KALRN: variants seen among roughly 807,000 people sequenced by gnomAD.
The protein encoded by KALRN is kalirin RhoGEF kinase, also known as kalirin.
A neutral mutation model predicts 353.7 loss-of-function variants in KALRN; 70 were observed. The ratio of observed to expected loss-of-function variants is 0.20; its 90% CI spans 0.16 to 0.24. KALRN has a LOEUF of 0.24. KALRN is among the 10% of genes least tolerant of loss of function. KALRN has a pLI of 1.00. For missense variants in KALRN, 2,791 were observed against 3,756.7 expected (o/e 0.74, Z 6.72); for synonymous variants, 1,391 against 1,434.8 (o/e 0.97, Z 0.69).
chr3:124,336,016 G>A (rs918458000), intron 9 of KALRN, among the ~76,000 whole-genome samples: 2 of 152,158 alleles, frequency 1.3e-5, no homozygotes, highest in African/African-American at 4.8e-5. Context: ...AGGCAGAGTG[G>A]AGGGAGAGTT....
chr3:124,330,246 TCACACACACACACACACACA>T (rs774251256), intron 8 of KALRN, among the ~76,000 whole-genome samples: 1 of 134,308 alleles, frequency 7.4e-6, no homozygotes, highest in African/African-American at 2.8e-5. Flanking sequence ...TCTCTCTCTC[TCACACACACACACACACACA>T]CACACACACA....
At chr3:124,282,879 C>A (rs1040830769) in intron 5 of KALRN, among the ~76,000 whole-genome samples, 15 of 152,210 alleles carry the variant, frequency 9.9e-5, no homozygotes, top group Non-Finnish European at 5.9e-5. Context: ...CTGCATGGCC[C>A]CTTACCTGTC....
Position 124,395,185 on chromosome 3 carries a change from T to C in KALRN, c.2013T>C (p.Cys671=). The part of the protein sequence containing the change: ...DLQKEMLEDV[C]ADSVDAVQEL... Reference sequence around the variant, plus strand: ...AGAAGGAGATGTTGGAGGATGTCTGTGCAGATTCTGTGGATGCAGTCCAGG... The same window carrying C: ...AGAAGGAGATGTTGGAGGATGTCTGCGCAGATTCTGTGGATGCAGTCCAGG... Residue 671 remains cysteine (C), a synonymous_variant, in exon 12 of 60, where the codon TGT becomes TGC. Coordinates refer to ENST00000682506, the MANE Select transcript of KALRN (RefSeq NM_001388419.1). 6.2e-7 allele frequency: 1 copy of C among 1,613,682 alleles called. No individual in the cohort carries two copies.
chr3:124,091,948 G>GT (rs2061143472), intron 1 of KALRN, among the ~76,000 whole-genome samples: 1 of 152,212 alleles, frequency 6.6e-6, no homozygotes, highest in Non-Finnish European at 1.5e-5. Flanking sequence ...TGCATTTCAA[G>GT]TAAGACTTAT....
At chr3:124,337,727 C>T (rs146707818) in intron 9 of KALRN, among the ~76,000 whole-genome samples, 1 of 152,178 alleles carries the variant, frequency 6.6e-6, no homozygotes, top group African/African-American at 2.4e-5. Context: ...GATACCAGCT[C>T]CTCTTTGTAT....
chr3:124,273,781 T>C (rs922699981), intron 5 of KALRN, among the ~76,000 whole-genome samples: 27 of 152,176 alleles, frequency 1.8e-4, no homozygotes, highest in African/African-American at 6.5e-4. Flanking sequence ...ATTCAAACAA[T>C]GCATGATGTT....
At chr3:124,264,357 G>A (rs2073256108) in intron 3 of KALRN, 141 bp from the exon 4 acceptor site, 4 of 666,054 alleles carry the variant, frequency 6.0e-6, no homozygotes, top group African/African-American at 5.4e-5. Flanking sequence ...AGCTGAGTTT[G>A]AAGGTGGCCA....
intron 33 of KALRN, chr3:124,518,936 C>G (rs2066927019): frequency 1.0e-6 from 1 of 998,590 alleles, no homozygotes; most frequent in Middle Eastern, 5.2e-4. Context: ...TCATTCTAAT[C>G]TAGCTTGTAT....
At chr3:124,282,379 C>CTTTTTT (rs34148546) in intron 5 of KALRN, among the ~76,000 whole-genome samples, 2 of 134,808 alleles carry the variant, frequency 1.5e-5, no homozygotes, top group African/African-American at 2.7e-5. Flanking sequence ...CTACATTTTT[C>CTTTTTT]TTTTTTTTTT....
intron 1 of KALRN, among the ~76,000 whole-genome samples, chr3:124,072,438 C>T (rs551231167): frequency 4.6e-5 from 7 of 152,314 alleles, no homozygotes; most frequent in Middle Eastern, 6.8e-3. Context: ...GAGGTGGTTG[C>T]TGCAAATTAA....
At chr3:124,189,946 A>T (rs1044924181) in intron 1 of KALRN, among the ~76,000 whole-genome samples, 1 of 151,956 alleles carries the variant, frequency 6.6e-6, no homozygotes, top group Non-Finnish European at 1.5e-5. Flanking sequence ...AAAAAAAAAA[A>T]AAAAAAAGCA....
intron 5 of KALRN, among the ~76,000 whole-genome samples, chr3:124,270,834 T>TG (rs1265255770): frequency 2.0e-5 from 3 of 147,684 alleles, no homozygotes; most frequent in African/African-American, 7.4e-5. Context: ...GTTTTTTTTT[T>TG]TTTTTTTTTT....
chr3:124,473,923 A>T lies in KALRN; in HGVS notation c.4032-740A>T, dbSNP rs537770351. On this transcript the variant is annotated intron_variant, in intron 25 of 59. Coordinates refer to ENST00000682506, the MANE Select transcript of KALRN (RefSeq NM_001388419.1). ...AAAAATATTTTGTTTTTTACAGCAA[A>T]TACCATCCTAATAAAGCATGCTGGC... Among the ~76,000 whole-genome samples the T allele has an allele frequency of 4.5e-4, 69 of 152,334 alleles. No homozygotes were observed. The South Asian group carries it at 0.014, about 31-fold the overall frequency.
At chr3:124,280,860 C>T (rs2075275440) in intron 5 of KALRN, among the ~76,000 whole-genome samples, 1 of 152,082 alleles carries the variant, frequency 6.6e-6, no homozygotes, top group Non-Finnish European at 1.5e-5. Context: ...CAGGGAAAAG[C>T]CCAACTCAAG....
At chr3:124,477,442 T>C in intron 27 of KALRN, 108 bp downstream of exon 27, 2 of 840,364 alleles carry the variant, frequency 2.4e-6, no homozygotes, top group Non-Finnish European at 3.9e-6. Flanking sequence ...AATTTTTCTT[T>C]ACTGGCCACT....
chr3:124,221,457 G>A (rs2148414525), intron 1 of KALRN, among the ~76,000 whole-genome samples: 1 of 152,278 alleles, frequency 6.6e-6, no homozygotes, highest in East Asian at 1.9e-4. Context: ...CAAGGCATCA[G>A]GATCAGTTAA....
At chr3:124,466,166 T>A (rs1411682638) in intron 25 of KALRN, among the ~76,000 whole-genome samples, 1 of 152,086 alleles carries the variant, frequency 6.6e-6, no homozygotes, top group Non-Finnish European at 1.5e-5. Context: ...AAGAACAGTT[T>A]AATATGTAGA....
intron 1 of KALRN, among the ~76,000 whole-genome samples, chr3:124,210,861 T>C (rs985407822): frequency 2.0e-5 from 3 of 152,228 alleles, no homozygotes; most frequent in Non-Finnish European, 4.4e-5. Context: ...TGACTACTGC[T>C]TCCATTTGCA....
At chr3:124,338,244 A>G (rs1329816311) in intron 9 of KALRN, among the ~76,000 whole-genome samples, 1 of 152,078 alleles carries the variant, frequency 6.6e-6, no homozygotes, top group Non-Finnish European at 1.5e-5. Context: ...TCAATTTTAG[A>G]TCTTTCCCGC....
Sources: allele counts gnomAD v4.1 joint callset (sites outside exome capture counted in the v4.1 genomes callset), GRCh38; gene constraint gnomAD v4.1.1; transcripts MANE v1.5; gene names NCBI Gene and HGNC (gene_info 2026-07-23, HGNC 2026-07-21).